L3MBTL4: variants seen among roughly 807,000 people sequenced by gnomAD.
L3MBTL4 encodes lethal(3)malignant brain tumor-like protein 4.
Under a neutral mutation model 84.5 loss-of-function variants are expected in L3MBTL4, and 70 were observed. The observed-to-expected ratio is 0.83, with a 90% CI of 0.68 to 1.01. The LOEUF is 1.01. Ranked by LOEUF, L3MBTL4 falls within the 50% of genes least tolerant of loss-of-function variation. L3MBTL4 has a pLI of 0.00. For missense variants in L3MBTL4, 715 were observed against 754.8 expected (o/e 0.95, Z 0.62); for synonymous variants, 274 against 259.8 (o/e 1.05, Z -0.52).
At chr18:6,390,830 A>T (rs2055017951) in intron 1 of L3MBTL4, among the ~76,000 whole-genome samples, 1 of 152,146 alleles carries the variant, frequency 6.6e-6, no homozygotes, top group Non-Finnish European at 1.5e-5. Context: ...CTGAATCAGT[A>T]ATTTAAAAAT....
intron 14 of L3MBTL4, among the ~76,000 whole-genome samples, chr18:6,123,369 C>T (rs2059586860): frequency 1.3e-5 from 2 of 152,122 alleles, no homozygotes; most frequent in Admixed American, 1.3e-4. Flanking sequence ...TCCCACAATC[C>T]CCACGTATCA....
rs760450527 is a variant in L3MBTL4 at position 6,241,340 on chromosome 18, G to T, written c.552+18C>A. ...GCTTGGGGGAAATTTGATTTATGCT[G>T]GGAAAGAAAATACTTACAGGACTTC... is the stretch of plus-strand genomic sequence containing the variant. On this transcript the variant is annotated intron_variant, in intron 8 of 18. Coordinates refer to ENST00000317931, the MANE Select transcript of L3MBTL4 (RefSeq NM_001330559.2). 8.5e-6 allele frequency: 12 copies of T among 1,415,902 alleles called. No homozygotes were observed. The highest frequency in any genetic ancestry group is 1.1e-5 in the Non-Finnish European group (11 of 1,011,882). The allele number at this position is 1,415,902 out of a possible 1,614,324, so 87.7% of individuals were successfully genotyped here.
At chr18:6,208,867 AT>A (rs2045981106) in intron 12 of L3MBTL4, among the ~76,000 whole-genome samples, 1 of 152,242 alleles carries the variant, frequency 6.6e-6, no homozygotes, top group African/African-American at 2.4e-5. Context: ...CTGCCATGGC[AT>A]GAAAAACTTC....
At chr18:6,079,554 T>G (rs1166813486) in intron 16 of L3MBTL4, among the ~76,000 whole-genome samples, 2 of 152,244 alleles carry the variant, frequency 1.3e-5, no homozygotes, top group African/African-American at 4.8e-5. Flanking sequence ...AAATGCATTT[T>G]GCTATGACAT....
chr18:6,135,230 A>G (rs1409742084), intron 14 of L3MBTL4, among the ~76,000 whole-genome samples: 9 of 152,238 alleles, frequency 5.9e-5, no homozygotes, highest in Admixed American at 2.0e-4. Flanking sequence ...GGCCCAACCC[A>G]CAAAACCACT....
At chr18:6,262,938 T>C (rs1347450838) in intron 5 of L3MBTL4, among the ~76,000 whole-genome samples, 1 of 152,172 alleles carries the variant, frequency 6.6e-6, no homozygotes, top group Non-Finnish European at 1.5e-5. Flanking sequence ...ACTCAACAGA[T>C]GTCATGAAAA....
intron 1 of L3MBTL4, among the ~76,000 whole-genome samples, chr18:6,348,417 C>A (rs2053022873): frequency 6.6e-6 from 1 of 151,972 alleles, no homozygotes; most frequent in South Asian, 2.1e-4. Flanking sequence ...GATAAACAGG[C>A]ACCAATGAAA....
At chr18:6,243,178 A>G (rs2047521303) in intron 7 of L3MBTL4, 116 bp downstream of exon 7, 1 of 901,854 alleles carries the variant, frequency 1.1e-6, no homozygotes, top group African/African-American at 1.7e-5. Flanking sequence ...ACACAATTTC[A>G]TTTTGGAAAT....
chr18:5,961,478 G>A (rs556547819), intron 17 of L3MBTL4, among the ~76,000 whole-genome samples: 3 of 152,228 alleles, frequency 2.0e-5, no homozygotes, highest in Admixed American at 2.0e-4. Context: ...TCTTTTTTTA[G>A]GGGTGATCAG....
Position 6,215,746 on chromosome 18 carries a change from T to C in L3MBTL4, c.870+4A>G. On this transcript the variant is annotated splice_donor_region_variant and intron_variant, in intron 11 of 18. Coordinates refer to ENST00000317931, the MANE Select transcript of L3MBTL4 (RefSeq NM_001330559.2). The stretch of plus-strand genomic sequence containing the variant: ...GTGAGAGTTTGTACCCACATAGAAC[T>C]TACCATTTTAAAAACTTTGGCAGGA... 6.3e-7 allele frequency: 1 copy of C among 1,586,066 alleles called. No homozygotes were observed. The highest frequency in any genetic ancestry group is 8.6e-7 in the Non-Finnish European group (1 of 1,161,318).
intron 12 of L3MBTL4, among the ~76,000 whole-genome samples, chr18:6,205,587 T>C (rs2045840919): frequency 6.6e-6 from 1 of 152,128 alleles, no homozygotes; most frequent in African/African-American, 2.4e-5. Flanking sequence ...TCTGGAAATA[T>C]ATTAATCTTG....
chr18:6,317,360 T>A (rs1469098577), intron 1 of L3MBTL4, among the ~76,000 whole-genome samples: 1 of 151,530 alleles, frequency 6.6e-6, no homozygotes, highest in Non-Finnish European at 1.5e-5. Flanking sequence ...AAAAAAAAAT[T>A]CAAGATATAA....
chr18:6,194,168 T>C (rs1403701229), intron 12 of L3MBTL4, among the ~76,000 whole-genome samples: 1 of 152,140 alleles, frequency 6.6e-6, no homozygotes, highest in East Asian at 1.9e-4. Flanking sequence ...AAAGTTAAAC[T>C]CCCACCGTAC....
intron 16 of L3MBTL4, among the ~76,000 whole-genome samples, chr18:6,024,301 T>C (rs1164501471): frequency 1.3e-5 from 2 of 152,260 alleles, no homozygotes; most frequent in African/African-American, 4.8e-5. Flanking sequence ...ATGTTTTATA[T>C]GGAGTTGATA....
intron 10 of L3MBTL4, among the ~76,000 whole-genome samples, chr18:6,224,274 A>G (rs1002126938): frequency 9.2e-5 from 14 of 152,214 alleles, no homozygotes; most frequent in African/African-American, 3.4e-4. Context: ...CTAAAACATA[A>G]ATCTGTTAAA....
intron 13 of L3MBTL4, among the ~76,000 whole-genome samples, chr18:6,148,764 T>G (rs926645306): frequency 6.6e-6 from 1 of 152,106 alleles, no homozygotes; most frequent in African/African-American, 2.4e-5. Flanking sequence ...AGAAAAAATG[T>G]TAAGAGTTAT....
intron 16 of L3MBTL4, among the ~76,000 whole-genome samples, chr18:6,072,865 C>CAAA (rs71370542): frequency 6.5e-4 from 2 of 3,066 alleles, no homozygotes; most frequent in Non-Finnish European, 3.8e-4. Context: ...GACTCCGTCT[C>CAAA]AAAAAAAAAA....
intron 14 of L3MBTL4, among the ~76,000 whole-genome samples, chr18:6,133,770 T>C (rs565576223): frequency 3.3e-5 from 5 of 152,172 alleles, no homozygotes; most frequent in African/African-American, 7.2e-5. Context: ...TCCCAGTAGA[T>C]GGGAAACACC....
At chr18:6,407,851 C>T (rs1193501933) in intron 1 of L3MBTL4, among the ~76,000 whole-genome samples, 2 of 152,164 alleles carry the variant, frequency 1.3e-5, no homozygotes, top group East Asian at 3.9e-4. Flanking sequence ...AGTAAAATTC[C>T]ACACCTCAGA....
Sources: gnomAD v4.1 joint callset for allele counts (sites outside exome capture counted in the v4.1 genomes callset) on GRCh38, gnomAD v4.1.1 for gene constraint, MANE v1.5 for transcripts, NCBI Gene and HGNC (gene_info 2026-07-23, HGNC 2026-07-21) for gene names.